Variants in VPS13B observed in about 807,000 individuals in gnomAD.
The protein encoded by VPS13B is vacuolar protein sorting 13 homolog B.
In VPS13B, 285 loss-of-function variants were observed where a neutral mutation model predicts 426.4. That is an observed-to-expected ratio of 0.67 (90% CI 0.61 to 0.74). VPS13B has a LOEUF of 0.74. Ranked by LOEUF, VPS13B falls within the 30% of genes least tolerant of loss-of-function variation. The pLI, the probability that VPS13B is intolerant of heterozygous loss-of-function variation, is 0.00. For synonymous variants in VPS13B, 1,676 were observed against 1,676.4 expected, an observed-to-expected ratio of 1.00 and a Z score of 0.01; for missense variants, 4,537 against 4,782.6, an observed-to-expected ratio of 0.95 and a Z score of 1.51.
chr8:99,760,913 G>A (rs1810896042), intron 39 of VPS13B, among the ~76,000 whole-genome samples: 2 of 152,142 alleles, frequency 1.3e-5, no homozygotes, highest in Admixed American at 6.6e-5. Context: ...TAAAGTATAT[G>A]GGAGGATGTG....
In VPS13B at chr8:99,115,868, AT is replaced by A. The variant is rs1340395988; in HGVS notation, c.933del (p.Thr312GlnfsTer9). The A allele has an allele frequency of 6.2e-7, 1 of 1,612,146 alleles. No homozygotes were observed. Among genetic ancestry groups the A allele is most frequent in the Non-Finnish European group, 8.5e-7 (1 of 1,179,476 alleles). On this transcript the variant is annotated frameshift_variant, in exon 7 of 62. Transcript: ENST00000357162. LOFTEE classifies it high-confidence loss of function. ...TCATAATAAAGATATGCTAGGAAACATTACAGGTAATGTAAAACTTTATTAA... is the reference window on the plus strand; with the variant it reads ...TCATAATAAAGATATGCTAGGAAACATACAGGTAATGTAAAACTTTATTAA... Reference protein sequence around the residue: ...TCHNKDMLGNITGSEDETRID... With the variant: ...TCHNKDMLGNXTGSEDETRID...
intron 3 of VPS13B, among the ~76,000 whole-genome samples, chr8:99,082,598 C>G (rs1490130095): frequency 6.6e-6 from 1 of 152,112 alleles, no homozygotes; most frequent in Non-Finnish European, 1.5e-5. Context: ...GGTTTTAGGT[C>G]TAACATTTAA....
intron 19 of VPS13B, among the ~76,000 whole-genome samples, chr8:99,308,239 T>C (rs1163077832): frequency 1.3e-5 from 2 of 152,116 alleles, no homozygotes; most frequent in African/African-American, 4.8e-5. Context: ...TGCAGGTTAG[T>C]TACATATGTA....
intron 8 of VPS13B, among the ~76,000 whole-genome samples, chr8:99,134,168 A>G (rs1226789261): frequency 6.6e-6 from 1 of 152,202 alleles, no homozygotes; most frequent in Non-Finnish European, 1.5e-5. Flanking sequence ...TTTCCTTCAT[A>G]GGAACTAGAA....
chr8:99,054,370 G>A (rs576086601), intron 3 of VPS13B, among the ~76,000 whole-genome samples: 30 of 152,128 alleles, frequency 2.0e-4, no homozygotes. Context: ...TATCTTAATG[G>A]GTTTGCAATC....
intron 28 of VPS13B, chr8:99,508,029 A>G: frequency 6.8e-7 from 1 of 1,472,382 alleles, no homozygotes; most frequent in Non-Finnish European, 9.4e-7. Context: ...CATAAACTTT[A>G]TAAATGAAGT....
chr8:99,784,445 A>C lies in VPS13B; in HGVS notation c.7910A>C (p.Gln2637Pro), dbSNP rs1302409480. 1 of 1,613,624 alleles carries C rather than the reference A, an allele frequency of 6.2e-7. No homozygotes were observed. Among genetic ancestry groups the C allele is most frequent in the Non-Finnish European group, 8.5e-7 (1 of 1,179,704 alleles). ...NILLASLHSH[Q>P]YSWRSHKSPQ... ...CTGCTGGCGAGTCTCCACAGTCACC[A>C]GTACAGCTGGCGCTCTCACAAATCC... Residue 2637 changes from glutamine to proline, a missense_variant, in exon 43 of 62, where the codon CAG becomes CCG. Gln to Pro is a moderately conservative substitution (Grantham distance 76). Around this residue, in one of 2 missense-constraint regions of VPS13B, gnomAD observed 4,311 missense variants for 4,474.3 expected, o/e 0.96. Coordinates refer to ENST00000357162, the MANE Select transcript of VPS13B (RefSeq NM_152564.5).
rs552468234 is a variant in VPS13B at position 99,210,917 on chromosome 8, G to A, written c.2515+17860G>A. 4.6e-5 allele frequency among the ~76,000 whole-genome samples: 7 copies of A among 152,224 alleles called. 1 individual carries two copies. The South Asian group carries it at 1.4e-3, about 32-fold the overall frequency. Reference sequence around the variant, plus strand: ...TGGCCAGGTCTTAAAAATATTTAATGTTTAACTGTCTTTCCTATTGGTATG... The same window carrying A: ...TGGCCAGGTCTTAAAAATATTTAATATTTAACTGTCTTTCCTATTGGTATG... On this transcript the variant is annotated intron_variant, in intron 17 of 61. Coordinates refer to ENST00000357162, the MANE Select transcript of VPS13B (RefSeq NM_152564.5).
At chr8:99,742,360 G>A (rs1403105416) in intron 39 of VPS13B, among the ~76,000 whole-genome samples, 1 of 152,146 alleles carries the variant, frequency 6.6e-6, no homozygotes, top group African/African-American at 2.4e-5. Context: ...AAGAGTCCAG[G>A]ACCAGATGGA....
intron 17 of VPS13B, among the ~76,000 whole-genome samples, chr8:99,213,921 C>T (rs939816466): frequency 4.0e-5 from 6 of 151,856 alleles, no homozygotes; most frequent in African/African-American, 1.5e-4. Flanking sequence ...ATAAGTTCTG[C>T]AGGCTTTTCC....
chr8:99,488,166 A>T (rs1207763535), intron 25 of VPS13B, among the ~76,000 whole-genome samples: 4 of 152,166 alleles, frequency 2.6e-5, no homozygotes, highest in African/African-American at 9.7e-5. Flanking sequence ...AGAAGAGCAC[A>T]TTTCTGTCAT....
chr8:99,720,406 A>T lies in VPS13B; in HGVS notation c.6719A>T (p.Tyr2240Phe), dbSNP rs762982977. ...LVLLHELLNG[Y>F]LNEEGNFEVQ... ...CTTCTACATGAATTACTCAATGGAT[A>T]CCTTAATGAGGAGGGAAATTTTGAA... Residue 2240 changes from tyrosine (Y) to phenylalanine (F), a missense_variant, in exon 38 of 62, where the codon TAC becomes TTC. Coordinates refer to ENST00000357162, the MANE Select transcript of VPS13B (RefSeq NM_152564.5). 6.2e-6 allele frequency: 10 copies of T among 1,613,850 alleles called. No individual in the cohort carries two copies. Among genetic ancestry groups the T allele is most frequent in the Admixed American group, 3.3e-5 (2 of 59,996 alleles).
At chr8:99,237,944 A>C (rs1816727663) in intron 17 of VPS13B, among the ~76,000 whole-genome samples, 1 of 151,026 alleles carries the variant, frequency 6.6e-6, no homozygotes, top group African/African-American at 2.4e-5. Context: ...CTCCAATTTC[A>C]GGTCTTGCTG....
chr8:99,245,788 C>T (rs971730574), intron 17 of VPS13B, among the ~76,000 whole-genome samples: 4 of 152,208 alleles, frequency 2.6e-5, no homozygotes, highest in African/African-American at 9.6e-5. Flanking sequence ...ATGTGATCCA[C>T]CCGCCTCAGC....
chr8:99,303,712 CAG>C (rs1204049670), intron 19 of VPS13B, among the ~76,000 whole-genome samples: 1 of 106,048 alleles, frequency 9.4e-6, no homozygotes, highest in African/African-American at 3.9e-5. Flanking sequence ...GTGGGTGAGA[CAG>C]AGTGAGACTC....
intron 33 of VPS13B, among the ~76,000 whole-genome samples, chr8:99,610,585 C>CA (rs1337099176): frequency 1.4e-5 from 2 of 145,984 alleles, no homozygotes; most frequent in Non-Finnish European, 3.0e-5. Flanking sequence ...CAGGGCCTGT[C>CA]AGGGGGTGGG....
At chr8:99,649,667 G>A (rs1401392959) in intron 34 of VPS13B, among the ~76,000 whole-genome samples, 1 of 150,630 alleles carries the variant, frequency 6.6e-6, no homozygotes, top group Non-Finnish European at 1.5e-5. Context: ...CACACACATT[G>A]GATATTGGGT....
intron 36 of VPS13B, among the ~76,000 whole-genome samples, chr8:99,711,309 T>C (rs1486109543): frequency 6.6e-6 from 1 of 152,180 alleles, no homozygotes; most frequent in East Asian, 1.9e-4. Context: ...TGTAGGTATA[T>C]GGCAAGAAAG....
chr8:99,698,524 G>C (rs922028545), intron 35 of VPS13B, among the ~76,000 whole-genome samples: 3 of 152,162 alleles, frequency 2.0e-5, no homozygotes, highest in Non-Finnish European at 4.4e-5. Context: ...TGCACACACA[G>C]AAAAATAATA....
Sources: allele counts gnomAD v4.1 joint callset (sites outside exome capture counted in the v4.1 genomes callset), GRCh38; gene constraint gnomAD v4.1.1; regional missense constraint gnomAD v4.1.1; transcripts MANE v1.5; gene names NCBI Gene and HGNC (gene_info 2026-07-23, HGNC 2026-07-21).